The following MIB1 variants were observed in gnomAD, a reference collection of about 807,000 sequenced individuals.
The protein encoded by MIB1 is MIB E3 ubiquitin protein ligase 1, also known as E3 ubiquitin-protein ligase MIB1.
A neutral mutation model predicts 124.5 loss-of-function variants in MIB1; 278 were observed. The observed-to-expected ratio is 2.23, with a 90% CI of 2.02 to 2.47. MIB1 has a LOEUF of 2.47. Among genes scored for constraint, MIB1 ranks in the 30% most tolerant of loss-of-function variants. The probability of loss-of-function intolerance (pLI) is 0.00; values close to 1 mark genes in which losing one functional copy is unlikely to be tolerated. For missense variants in MIB1, 957 were observed against 1,254.4 expected (o/e 0.76, Z 3.58); for synonymous variants, 446 against 429.4 (o/e 1.04, Z -0.48).
intron 5 of MIB1, among the ~76,000 whole-genome samples, chr18:21,778,769 C>T (rs1289426613): frequency 2.0e-5 from 3 of 151,880 alleles, no homozygotes; most frequent in Admixed American, 6.6e-5. Flanking sequence ...GCAAAAAGTG[C>T]TGTTTTTTTT....
At chr18:21,716,777 G>A (rs371257096) in intron 1 of MIB1, among the ~76,000 whole-genome samples, 2 of 152,134 alleles carry the variant, frequency 1.3e-5, no homozygotes, top group South Asian at 2.1e-4. Flanking sequence ...GCGTGAAGCC[G>A]GGAGGTGGAG....
chr18:21,836,273 GTT>G (rs34936609), intron 12 of MIB1, among the ~76,000 whole-genome samples: 18 of 133,426 alleles, frequency 1.3e-4, no homozygotes, highest in African/African-American at 1.1e-4. Flanking sequence ...AAAACAAAAG[GTT>G]TTTTTTTTTT....
intron 12 of MIB1, among the ~76,000 whole-genome samples, chr18:21,824,815 A>T (rs62090820): frequency 6.4e-5 from 5 of 77,820 alleles, no homozygotes; most frequent in Non-Finnish European, 1.4e-4. Context: ...TCTCTATTAA[A>T]TAATATTAAA....
rs190692841 is a variant in MIB1, at chr18:21,774,544, C to T, written c.636+816C>T. On this transcript the variant is annotated intron_variant, in intron 4 of 20. Coordinates refer to ENST00000261537, the MANE Select transcript of MIB1 (RefSeq NM_020774.4). The stretch of plus-strand genomic sequence containing the variant: ...TCGGGGTGCAGAGCTTTCAATGAGC[C>T]GAGATCACGCCATTGTACTCCAGCC... 7.0e-4 allele frequency among the ~76,000 whole-genome samples: 107 copies of T among 152,236 alleles called. 1 individual carries two copies. The East Asian group carries it at 8.1e-3, about 12-fold the overall frequency.
chr18:21,815,892 ATTCCTTTGTT>A (rs2041826082), intron 11 of MIB1, 79 bp downstream of exon 11: 29 of 1,277,322 alleles, frequency 2.3e-5, no homozygotes, highest in Non-Finnish European at 3.2e-5. Context: ...TATGGTAAGC[ATTCCTTTGTT>A]ACCGTTCTCA....
At chr18:21,782,532 A>T (rs1366346194) in intron 6 of MIB1, among the ~76,000 whole-genome samples, 1 of 152,118 alleles carries the variant, frequency 6.6e-6, no homozygotes, top group African/African-American at 2.4e-5. Context: ...TGTTTCAAGA[A>T]ATTTTAAAAT....
chr18:21,831,641 GCCC>G (rs2041983778), intron 12 of MIB1, among the ~76,000 whole-genome samples: 1 of 150,758 alleles, frequency 6.6e-6, no homozygotes, highest in South Asian at 2.1e-4. Flanking sequence ...CATTTGTCCT[GCCC>G]CCCACTTTTT....
At chr18:21,841,343 G>T (rs990654647) in intron 13 of MIB1, among the ~76,000 whole-genome samples, 2 of 152,046 alleles carry the variant, frequency 1.3e-5, no homozygotes, top group African/African-American at 4.8e-5. Context: ...TGCCAGCCTG[G>T]GTGAAGAGGG....
At chr18:21,789,850 A>G (rs2041482084) in intron 6 of MIB1, among the ~76,000 whole-genome samples, 1 of 152,146 alleles carries the variant, frequency 6.6e-6, no homozygotes, top group Non-Finnish European at 1.5e-5. Context: ...ATATGCTAAT[A>G]ACCATTTGGA....
intron 1 of MIB1, among the ~76,000 whole-genome samples, chr18:21,757,476 A>AT (rs2041046802): frequency 6.8e-6 from 1 of 146,334 alleles, no homozygotes; most frequent in Non-Finnish European, 1.5e-5. Flanking sequence ...AAAAAAAAAA[A>AT]AAAAGACAGT....
intron 1 of MIB1, among the ~76,000 whole-genome samples, chr18:21,753,147 G>GA (rs2040993736): frequency 1.3e-5 from 2 of 152,182 alleles, no homozygotes; most frequent in South Asian, 4.1e-4. Flanking sequence ...TAAACCTTCA[G>GA]AATGATATTT....
rs148247758 is a variant in MIB1, at chr18:21,798,088, T to C, written c.1097T>C (p.Leu366Ser). 2 of 1,612,708 alleles carry C rather than the reference T, an allele frequency of 1.2e-6. No homozygotes were observed. The highest frequency in any genetic ancestry group is 1.1e-5 in the South Asian group (1 of 90,962). ...GEWAEAMLPTLGKVGRVQQIY... is the reference protein window; with the variant it reads ...GEWAEAMLPTSGKVGRVQQIY... ...GAATCTATTTTTTTCCCCAAGACTT[T>C]AGGTAAAGTTGGCCGAGTACAACAG... The change falls in exon 8 of 21, where the codon TTA (leucine) becomes TCA (serine). Residue 366 changes from leucine to serine, a missense_variant. Leu to Ser is a moderately radical substitution (Grantham distance 145). Coordinates refer to ENST00000261537, the MANE Select transcript of MIB1 (RefSeq NM_020774.4).
chr18:21,810,401 A>G (rs1316349615), intron 10 of MIB1, among the ~76,000 whole-genome samples: 1 of 152,118 alleles, frequency 6.6e-6, no homozygotes, highest in African/African-American at 2.4e-5. Flanking sequence ...CCAGAAATTC[A>G]TAAGGAATCT....
chr18:21,804,088 T>C (rs2041679052), intron 10 of MIB1, 74 bp downstream of exon 10: 1 of 1,116,650 alleles, frequency 9.0e-7, no homozygotes, highest in Admixed American at 2.0e-5. Flanking sequence ...ATGAGATGGA[T>C]TGTTTTTATT....
At chr18:21,770,174 A>G (rs900220805) in intron 3 of MIB1, among the ~76,000 whole-genome samples, 1 of 152,250 alleles carries the variant, frequency 6.6e-6, no homozygotes, top group East Asian at 1.9e-4. Flanking sequence ...ACTGCACTCC[A>G]CCCTGGGTGA....
In MIB1 at chr18:21,778,120, C is replaced by A; in HGVS notation, c.654C>A (p.Val218=). ...CTTCTTAGTCTGATCTGAAATGTGT[C>A]CAGGATGCCAAGGGAGGTTCTTTCT... ...GFEGMSDLKC[V]QDAKGGSFYR... Residue 218 remains valine (V), a synonymous_variant, in exon 5 of 21, where the codon GTC becomes GTA. Transcript: ENST00000261537. The A allele has an allele frequency of 6.2e-7, 1 of 1,612,316 alleles. No individual in the cohort carries two copies. The highest frequency in any genetic ancestry group is 1.7e-5 in the Admixed American group (1 of 60,004).
intron 15 of MIB1, 55 bp downstream of exon 15, chr18:21,844,308 A>G: frequency 6.5e-7 from 1 of 1,540,610 alleles, no homozygotes; most frequent in Non-Finnish European, 8.9e-7. Flanking sequence ...TTCATGCAAG[A>G]TCTTATATTT....
At chr18:21,817,269 C>T (rs922884607) in intron 11 of MIB1, among the ~76,000 whole-genome samples, 2 of 150,916 alleles carry the variant, frequency 1.3e-5, no homozygotes, top group Non-Finnish European at 2.9e-5. Flanking sequence ...CCACCTCAGC[C>T]TCCCGAGTAG....
chr18:21,763,365 G>C (rs1446142341), intron 1 of MIB1, among the ~76,000 whole-genome samples: 1 of 152,042 alleles, frequency 6.6e-6, no homozygotes, highest in Non-Finnish European at 1.5e-5. Flanking sequence ...TTATCTCCAA[G>C]TCTCTGGCTG....
Sources: allele counts gnomAD v4.1 joint callset (sites outside exome capture counted in the v4.1 genomes callset), GRCh38; gene constraint gnomAD v4.1.1; transcripts MANE v1.5; gene names NCBI Gene and HGNC (gene_info 2026-07-23, HGNC 2026-07-21).